GRID2: variants seen among roughly 807,000 people sequenced by gnomAD.
GRID2 encodes glutamate receptor ionotropic, delta-2.
GRID2 carries 33 observed loss-of-function variants against 114.8 expected under a neutral mutation model. The observed-to-expected ratio is 0.29, with a 90% CI of 0.22 to 0.38. The LOEUF is 0.38. Among genes scored for constraint, GRID2 ranks in the 10% least tolerant of loss-of-function variants. The pLI, the probability that GRID2 is intolerant of heterozygous loss-of-function variation, is 1.00. For missense variants in GRID2, 1,184 were observed against 1,257.7 expected (o/e 0.94, Z 0.89); for synonymous variants, 505 against 449.9 (o/e 1.12, Z -1.55).
chr4:92,574,006 A>C (rs1018109978), intron 1 of GRID2, among the ~76,000 whole-genome samples: 2 of 152,174 alleles, frequency 1.3e-5, no homozygotes, highest in African/African-American at 4.8e-5. Flanking sequence ...GGGTGCATAT[A>C]TATTTAAGAT....
chr4:92,746,865 T>C (rs746918435), intron 2 of GRID2, among the ~76,000 whole-genome samples: 5 of 152,110 alleles, frequency 3.3e-5, no homozygotes, highest in Admixed American at 6.5e-5. Flanking sequence ...GGTAACTTTT[T>C]CCTTTAACCC....
intron 14 of GRID2, among the ~76,000 whole-genome samples, chr4:93,734,050 T>A (rs147936635): frequency 6.6e-6 from 1 of 152,056 alleles, no homozygotes; most frequent in South Asian, 2.1e-4. Flanking sequence ...TAGATTTGCA[T>A]TGAAACTCTG....
chr4:93,701,181 T>C (rs1040852531), intron 14 of GRID2, among the ~76,000 whole-genome samples: 1 of 152,164 alleles, frequency 6.6e-6, no homozygotes, highest in African/African-American at 2.4e-5. Flanking sequence ...TATTGAGCAA[T>C]CATATCACAT....
intron 2 of GRID2, among the ~76,000 whole-genome samples, chr4:92,716,856 T>C (rs1735576195): frequency 6.6e-6 from 1 of 152,194 alleles, no homozygotes; most frequent in Non-Finnish European, 1.5e-5. Flanking sequence ...AAAAATAATT[T>C]TACATCTTGT....
At chr4:92,787,957 A>G (rs924332574) in intron 2 of GRID2, among the ~76,000 whole-genome samples, 1 of 151,836 alleles carries the variant, frequency 6.6e-6, no homozygotes, top group Non-Finnish European at 1.5e-5. Flanking sequence ...TAGGCTGTAT[A>G]AATGGAACAT....
At chr4:92,607,624 A>G (rs1388465734) in intron 2 of GRID2, among the ~76,000 whole-genome samples, 1 of 151,890 alleles carries the variant, frequency 6.6e-6, no homozygotes, top group Non-Finnish European at 1.5e-5. Context: ...TTTGTTTCCC[A>G]GACTTACTCA....
At chr4:93,567,618 G>A (rs1409724951) in intron 13 of GRID2, among the ~76,000 whole-genome samples, 1 of 152,204 alleles carries the variant, frequency 6.6e-6, no homozygotes, top group Non-Finnish European at 1.5e-5. Context: ...ATATATGTGT[G>A]TTGTGTTGGG....
chr4:93,156,893 C>G (rs1737234029), intron 4 of GRID2, among the ~76,000 whole-genome samples: 1 of 151,502 alleles, frequency 6.6e-6, no homozygotes, highest in South Asian at 2.1e-4. Context: ...GTCAGTCACT[C>G]TTGTTTGTTG....
At chr4:93,757,716 G>A (rs1358109750) in intron 14 of GRID2, among the ~76,000 whole-genome samples, 1 of 152,210 alleles carries the variant, frequency 6.6e-6, no homozygotes, top group Non-Finnish European at 1.5e-5. Context: ...AGCACTTTGG[G>A]AGGCAGAGGC....
rs141530996 is a variant in GRID2, at chr4:92,981,951, G to A, written c.245-103044G>A. Among the ~76,000 whole-genome samples, 330 of 145,760 alleles carry A rather than the reference G, an allele frequency of 2.3e-3. 3 individuals carry two copies. The highest frequency in any genetic ancestry group is 7.8e-3 in the African/African-American group (308 of 39,236). On this transcript the variant is annotated intron_variant, in intron 2 of 15. Transcript: ENST00000282020. ...TTGCTGAGTTTGCCCAGGACAAACT[G>A]TGCTGACATATGGGAAATTTAGTTT...
At chr4:92,824,613 A>G (rs1324922745) in intron 2 of GRID2, among the ~76,000 whole-genome samples, 1 of 152,168 alleles carries the variant, frequency 6.6e-6, no homozygotes, top group Non-Finnish European at 1.5e-5. Flanking sequence ...TATAATTATC[A>G]GACCCACCTC....
At chr4:92,463,106 T>C (rs2149089347) in intron 1 of GRID2, among the ~76,000 whole-genome samples, 1 of 152,140 alleles carries the variant, frequency 6.6e-6, no homozygotes, top group East Asian at 1.9e-4. Flanking sequence ...TTTGATGGCA[T>C]GATGCTTTTA....
chr4:93,135,443 A>G (rs1579085599), intron 4 of GRID2, among the ~76,000 whole-genome samples: 1 of 152,208 alleles, frequency 6.6e-6, no homozygotes, highest in South Asian at 2.1e-4. Context: ...CGTGTGTGCC[A>G]TTTGATAGTT....
chr4:93,565,936 G>A (rs973180452), intron 13 of GRID2, among the ~76,000 whole-genome samples: 2 of 152,152 alleles, frequency 1.3e-5, no homozygotes, highest in Admixed American at 1.3e-4. Context: ...ATTAGAGTAT[G>A]AAAACTTTGG....
intron 4 of GRID2, among the ~76,000 whole-genome samples, chr4:93,189,466 C>A (rs1740760050): frequency 6.6e-6 from 1 of 152,094 alleles, no homozygotes; most frequent in South Asian, 2.1e-4. Context: ...TCCCAAAGGG[C>A]CCATCTTCTA....
At chr4:93,362,747 A>C (rs1410096240) in intron 8 of GRID2, among the ~76,000 whole-genome samples, 2 of 151,814 alleles carry the variant, frequency 1.3e-5, no homozygotes, top group African/African-American at 4.8e-5. Flanking sequence ...TTCGTTGTAA[A>C]CACATGGTGA....
intron 5 of GRID2, among the ~76,000 whole-genome samples, chr4:93,213,273 T>C (rs937559949): frequency 6.6e-6 from 1 of 152,180 alleles, no homozygotes; most frequent in Admixed American, 6.6e-5. Context: ...GCCTAATTGA[T>C]TCATATTAAT....
rs375245979 is a variant in GRID2, at chr4:93,241,173, A to T, written c.1245+2683A>T. 5.9e-5 allele frequency among the ~76,000 whole-genome samples: 9 copies of T among 151,882 alleles called. No individual in the cohort carries two copies. The East Asian group carries it at 1.5e-3, about 26-fold the overall frequency. ...AATGTCATTTTCTGTTTGCTGCTGT[A>T]TATACAAATGATATTTTATATTGAT... On this transcript the variant is annotated intron_variant, in intron 8 of 15. Coordinates refer to ENST00000282020, the MANE Select transcript of GRID2 (RefSeq NM_001510.4).
chr4:93,580,816 C>T (rs1466141320), intron 13 of GRID2, among the ~76,000 whole-genome samples: 1 of 150,478 alleles, frequency 6.6e-6, no homozygotes, highest in African/African-American at 2.5e-5. Context: ...AACAACCCCC[C>T]CCAGTAACCC....
Sources: gnomAD v4.1 joint callset for allele counts (sites outside exome capture counted in the v4.1 genomes callset) on GRCh38, gnomAD v4.1.1 for gene constraint, MANE v1.5 for transcripts, NCBI Gene and HGNC (gene_info 2026-07-23, HGNC 2026-07-21) for gene names.